DMAC2L: variants seen among roughly 807,000 people sequenced by gnomAD.
DMAC2L encodes distal membrane arm assembly component 2 like, also known as ATP synthase subunit s, mitochondrial.
A neutral mutation model predicts 22.5 loss-of-function variants in DMAC2L; 21 were observed. The ratio of observed to expected loss-of-function variants is 0.93; its 90% confidence interval spans 0.66 to 1.34. The LOEUF is 1.34. Ranked by LOEUF, DMAC2L falls within the 40% of genes most tolerant of loss-of-function variation. The probability of loss-of-function intolerance (pLI) is 0.00; values close to 1 mark genes in which losing one functional copy is unlikely to be tolerated. For missense variants in DMAC2L, 239 were observed against 246.5 expected, an observed-to-expected ratio of 0.97 and a Z score of 0.20; for synonymous variants, 86 against 89.5, an observed-to-expected ratio of 0.96 and a Z score of 0.22.
At chr14:50,321,315 CAAAT>C in intron 2 of DMAC2L, 164 bp from the exon 3 acceptor site, 12 of 1,300,642 alleles carry the variant, frequency 9.2e-6, no homozygotes, top group South Asian at 3.8e-5. Context: ...TTGCAGCAAA[CAAAT>C]AAAAAACCCC....
At chr14:50,312,314 G>A, upstream of DMAC2L, 3 of 1,011,408 alleles carry the variant, frequency 3.0e-6, no homozygotes, top group African/African-American at 1.6e-5. Context: ...CGCGCGCGTC[G>A]GAGGGCGAAG....
chr14:50,312,330 G>T lies in DMAC2L; in HGVS notation c.-101G>T. ...GCGCGCGTCGGAGGGCGAAGGGCCG[G>T]CCAGGGTGCCGCAGACGCGGGGACG... On this transcript the variant is annotated 5_prime_UTR_variant, in exon 1 of 6. Coordinates refer to ENST00000557421, the MANE Select transcript of DMAC2L (RefSeq NM_001382507.1). 2 of 834,472 alleles carry T rather than the reference G, an allele frequency of 2.4e-6. No individual in the cohort carries two copies. The highest frequency in any genetic ancestry group is 1.7e-5 in the African/African-American group (1 of 58,826). The allele number at this position is 834,472 out of a possible 1,614,324, so 51.7% of individuals were successfully genotyped here.
intron 2 of DMAC2L, among the ~76,000 whole-genome samples, chr14:50,319,833 T>C (rs2032118211): frequency 1.3e-5 from 2 of 152,208 alleles, no homozygotes; most frequent in South Asian, 4.1e-4. Flanking sequence ...ACCATCCTAC[T>C]ACCAGTGACC....
At chr14:50,311,894 A>AC, upstream of DMAC2L, 2 of 1,398,646 alleles carry the variant, frequency 1.4e-6, no homozygotes, top group Non-Finnish European at 1.9e-6. Flanking sequence ...GTGCCACAGG[A>AC]CCCCAACCTG....
chr14:50,323,064 C>T (rs925114087), intron 4 of DMAC2L: 24 of 972,458 alleles, frequency 2.5e-5, no homozygotes, highest in East Asian at 1.2e-4. Flanking sequence ...CTTCTGCTTA[C>T]GTGGGCATTT....
In DMAC2L at chr14:50,312,981, G is replaced by A. The variant is rs113780995; in HGVS notation, c.-42+592G>A. 86 of 1,614,066 alleles carry A rather than the reference G, an allele frequency of 5.3e-5. No homozygotes were observed. The African/African-American group carries it at 6.9e-4, about 13-fold the overall frequency. ...GGTTTTTGCCACCATTTATAAGTCT[G>A]TGTCCTTTTCTTGAGTACTGAACCG... On this transcript the variant is annotated intron_variant, in intron 1 of 5. Transcript: ENST00000557421.
chr14:50,321,653 C>A, intron 3 of DMAC2L, 59 bp downstream of exon 3: 1 of 1,267,754 alleles, frequency 7.9e-7, no homozygotes, highest in Non-Finnish European at 1.1e-6. Flanking sequence ...AATAAGTTCC[C>A]AATAGCTTGT....
chr14:50,324,258 T>C lies in DMAC2L; in HGVS notation c.488+142T>C, dbSNP rs919892624. The C allele has an allele frequency of 9.8e-6, 8 of 817,770 alleles. No individual in the cohort carries two copies. In the Admixed American group the frequency reaches 2.6e-4, roughly 26 times the overall value. 50.7% of individuals were successfully genotyped at this position (817,770 alleles called of 1,614,324 possible). A position where few individuals can be genotyped will look rare whatever the true frequency, so the allele number is the denominator to read the frequency against. ...AATGACCTCACTTTCATCTGTAATA[T>C]TTTAAAACAGCTAAAATGATCAACC... On this transcript the variant is annotated intron_variant, in intron 5 of 5. Coordinates refer to ENST00000557421, the MANE Select transcript of DMAC2L (RefSeq NM_001382507.1).
intron 2 of DMAC2L, among the ~76,000 whole-genome samples, chr14:50,319,597 CT>C (rs2032099260): frequency 6.6e-6 from 1 of 152,286 alleles, no homozygotes; most frequent in South Asian, 2.1e-4. Flanking sequence ...CAGGAAGTTA[CT>C]TAATATCAGG....
At position 50,312,459 on chromosome 14, in the gene DMAC2L, G is replaced by A. The variant is rs532826902; in HGVS notation, c.-42+70G>A. Reference sequence around the variant, plus strand: ...TGGTTGTGTTCTGCCCTCGCCCGTCGCCAACGCTGGGCTGACTGAAAACCT... The same window carrying A: ...TGGTTGTGTTCTGCCCTCGCCCGTCACCAACGCTGGGCTGACTGAAAACCT... On this transcript the variant is annotated intron_variant, in intron 1 of 5. Coordinates refer to ENST00000557421, the MANE Select transcript of DMAC2L (RefSeq NM_001382507.1). The A allele has an allele frequency of 4.2e-5, 20 of 479,314 alleles. No individual in the cohort carries two copies. The East Asian group carries it at 8.1e-4, about 19-fold the overall frequency. 29.7% of individuals were successfully genotyped at this position (479,314 alleles called of 1,614,324 possible).
In DMAC2L at chr14:50,322,637, A is replaced by C; in HGVS notation, c.234A>C (p.Pro78=). The C allele has an allele frequency of 1.2e-6, 2 of 1,614,216 alleles. No homozygotes were observed. Among genetic ancestry groups the C allele is most frequent in the Non-Finnish European group, 1.7e-6 (2 of 1,180,034 alleles). Residue 78 remains proline, a synonymous_variant, in exon 4 of 6, where the codon CCA becomes CCC. Coordinates refer to ENST00000557421, the MANE Select transcript of DMAC2L (RefSeq NM_001382507.1). The part of the protein sequence containing the change: ...ERWQKDYNHL[P]TGPLDKYKIQ... ...GGCAGAAGGACTACAACCACCTTCC[A>C]ACAGGCCCTCTGGACAAATACAAGA...
At chr14:50,324,137 T>C (rs372305571) in intron 5 of DMAC2L, 21 bp downstream of exon 5, 121 of 1,589,102 alleles carry the variant, frequency 7.6e-5, no homozygotes, top group Non-Finnish European at 1.0e-4. Flanking sequence ...AAAGCCAAAG[T>C]GGAAACTTGA....
At chr14:50,320,752 TCTC>T (rs1317937118) in intron 2 of DMAC2L, among the ~76,000 whole-genome samples, 2 of 152,050 alleles carry the variant, frequency 1.3e-5, no homozygotes, top group African/African-American at 2.4e-5. Flanking sequence ...TGTCTCCCCA[TCTC>T]CTCCTCCCTG....
At chr14:50,321,371 T>C in intron 2 of DMAC2L, 112 bp from the exon 3 acceptor site, 1 of 1,416,016 alleles carries the variant, frequency 7.1e-7, no homozygotes, top group Non-Finnish European at 9.3e-7. Flanking sequence ...AATTGTTGAG[T>C]GGCAAGTGAG....
intron 1 of DMAC2L, among the ~76,000 whole-genome samples, chr14:50,314,308 G>A (rs547467769): frequency 6.6e-6 from 1 of 152,324 alleles, no homozygotes; most frequent in East Asian, 1.9e-4. Flanking sequence ...TTCTTTCTTT[G>A]CATGCTGCCA....
intron 1 of DMAC2L, chr14:50,312,955 C>A (rs1020139041): frequency 5.0e-6 from 8 of 1,602,846 alleles, no homozygotes; most frequent in African/African-American, 1.3e-5. Flanking sequence ...CCAGACAGCT[C>A]GGTTTTTGCC....
chr14:50,319,115 C>T lies in DMAC2L; in HGVS notation c.-5-2368C>T, dbSNP rs148291162. ...ATGGGGGAGGGAGGCTAAGAGAAAA[C>T]AGCCTGAGTAGAAGCTGGGAAAGCC... On this transcript the variant is annotated intron_variant, in intron 2 of 5. Coordinates refer to ENST00000557421, the MANE Select transcript of DMAC2L (RefSeq NM_001382507.1). The T allele has an allele frequency of 3.8e-4, 570 of 1,486,452 alleles. 5 individuals carry two copies. The East Asian group carries it at 0.01, about 26-fold the overall frequency. The allele number at this position is 1,486,452 out of a possible 1,614,324, so 92.1% of individuals were successfully genotyped here.
At position 50,317,533 on chromosome 14, in the gene DMAC2L, C is replaced by T. The variant is rs142462631; in HGVS notation, c.-6+2907C>T. Among the ~76,000 whole-genome samples, 359 of 152,218 alleles carry T rather than the reference C, an allele frequency of 2.4e-3. 1 individual carries two copies. In the Middle Eastern group the frequency reaches 0.065, roughly 27 times the overall value. ...CCTGTAATCCCAGCACTTTGGGAGG[C>T]CAAGGCGGGTGGATCACCTGAGGTC... On this transcript the variant is annotated intron_variant, in intron 2 of 5. Coordinates refer to ENST00000557421, the MANE Select transcript of DMAC2L (RefSeq NM_001382507.1).
At chr14:50,322,878 A>T (rs2032398640) in intron 4 of DMAC2L, 159 bp downstream of exon 4, 1 of 1,469,470 alleles carries the variant, frequency 6.8e-7, no homozygotes, top group Admixed American at 2.3e-5. Context: ...TTTTCAAATT[A>T]AATTGAGGTT....
Sources: gnomAD v4.1 joint callset for allele counts (sites outside exome capture counted in the v4.1 genomes callset) on GRCh38, gnomAD v4.1.1 for gene constraint, MANE v1.5 for transcripts, NCBI Gene and HGNC (gene_info 2026-07-23, HGNC 2026-07-21) for gene names.